The following PGM3 variants were observed in gnomAD, a reference collection of about 807,000 sequenced individuals.
The protein encoded by PGM3 is phosphoglucomutase 3.
Under a neutral mutation model 66.2 loss-of-function variants are expected in PGM3, and 40 were observed. That is an observed-to-expected ratio of 0.60 (90% CI 0.47 to 0.79). PGM3 has a LOEUF of 0.79. Ranked by LOEUF, PGM3 falls within the 30% of genes least tolerant of loss-of-function variation. PGM3 has a pLI of 0.00. For synonymous variants in PGM3, 191 were observed against 224.2 expected (o/e 0.85, Z 1.32); for missense variants, 537 against 643.4 (o/e 0.83, Z 1.79).
downstream of PGM3, among the ~76,000 whole-genome samples, chr6:83,163,906 T>C (rs183836289): frequency 7.2e-5 from 11 of 152,158 alleles, no homozygotes; most frequent in Admixed American, 5.2e-4. Flanking sequence ...TATTGTCTTA[T>C]ATACTTTTTA....
chr6:83,191,958 C>CAAAAAAAAAAA (rs1219337174), intron 1 of PGM3, among the ~76,000 whole-genome samples: 921 of 39,360 alleles, frequency 0.023, 75 homozygotes, highest in Middle Eastern at 0.056. Context: ...GACTCGGTCT[C>CAAAAAAAAAAA]AAAAAAAAAA....
chr6:83,170,167 G>T, intron 12 of PGM3, 138 bp downstream of exon 12: 1 of 692,508 alleles, frequency 1.4e-6, no homozygotes, highest in Non-Finnish European at 2.4e-6. Flanking sequence ...AAATAATTTT[G>T]TAGTCTTAAT....
chr6:83,170,765 A>G (rs1786919863), intron 11 of PGM3: 1 of 253,386 alleles, frequency 3.9e-6, no homozygotes, highest in Non-Finnish European at 7.6e-6. Context: ...ACACACAAAA[A>G]CAGGATAAGT....
At chr6:83,179,736 C>G in intron 7 of PGM3, 74 bp downstream of exon 7, 3 of 1,210,558 alleles carry the variant, frequency 2.5e-6, no homozygotes, top group South Asian at 3.3e-5. Flanking sequence ...GCCCTTCTGA[C>G]AAATGATTGT....
At chr6:83,187,210 G>C (rs920755491) in intron 3 of PGM3, 135 bp from the exon 4 acceptor site, 16 of 539,180 alleles carry the variant, frequency 3.0e-5, no homozygotes, top group African/African-American at 2.7e-4. Context: ...TGAAAGCTAT[G>C]AACTCTCAAG....
chr6:83,156,803 T>A (rs1040136131), downstream of PGM3, among the ~76,000 whole-genome samples: 1 of 152,226 alleles, frequency 6.6e-6, no homozygotes, highest in African/African-American at 2.4e-5. Context: ...ATTTCAGATA[T>A]GCAAAATGTA....
downstream of PGM3, among the ~76,000 whole-genome samples, chr6:83,157,693 T>C (rs1562380035): frequency 6.6e-6 from 1 of 152,184 alleles, no homozygotes; most frequent in Non-Finnish European, 1.5e-5. Flanking sequence ...CTGAGCTGGA[T>C]TTAACTGCTC....
downstream of PGM3, chr6:83,162,705 T>G: frequency 7.0e-7 from 1 of 1,431,152 alleles, no homozygotes; most frequent in Non-Finnish European, 9.3e-7. Context: ...AGTGGGGTCA[T>G]GATCTTTCTA....
chr6:83,158,123 C>G (rs962114638), downstream of PGM3, among the ~76,000 whole-genome samples: 2 of 152,004 alleles, frequency 1.3e-5, no homozygotes, highest in Admixed American at 6.6e-5. Flanking sequence ...CTCAGCCTCC[C>G]GAGTAGCTGG....
Position 83,188,656 on chromosome 6 carries a change from T to A in PGM3, c.347A>T (p.Asn116Ile), listed in dbSNP as rs372721988. The A allele has an allele frequency of 6.2e-6, 10 of 1,613,992 alleles. No individual in the cohort carries two copies. In the African/African-American group the frequency reaches 1.2e-4, roughly 19 times the overall value. ...LIDISEKEAVNLQQDAFVVIG... is the reference protein window; with the variant it reads ...LIDISEKEAVILQQDAFVVIG... ...AACTACAAAGGCATCTTGTTGCAGA[T>A]TCACAGCTTCTTTCTCGCTGATGTC... is the stretch of plus-strand genomic sequence containing the variant. The change falls in exon 3 of 13, where the codon AAT becomes ATT. Residue 116 changes from asparagine to isoleucine, a missense_variant. By Grantham distance (149) the Asn-to-Ile change is moderately radical. Coordinates refer to ENST00000513973, the MANE Select transcript of PGM3 (RefSeq NM_015599.3).
At position 83,181,749 on chromosome 6, in the gene PGM3, C is replaced by A; in HGVS notation, c.774G>T (p.Gln258His). ...AGTACGACATACCCTGTGGAGGTTTCTGATGACTTTTCACAAAGTCAGCTC... is the reference window on the plus strand; with the variant it reads ...AGTACGACATACCCTGTGGAGGTTTATGATGACTTTTCACAAAGTCAGCTC... ...LCGADFVKSH[Q>H]KPPQGMEIKS... Residue 258 changes from glutamine to histidine, a missense_variant, in exon 6 of 13, where the codon CAG becomes CAT. By Grantham distance (24) the Gln-to-His change is conservative. Transcript: ENST00000513973. 6.2e-7 allele frequency: 1 copy of A among 1,610,116 alleles called. No homozygotes were observed. The highest frequency in any genetic ancestry group is 8.5e-7 in the Non-Finnish European group (1 of 1,178,820).
downstream of PGM3, chr6:83,164,534 C>T (rs1373811849): frequency 6.5e-6 from 6 of 925,450 alleles, no homozygotes; most frequent in Non-Finnish European, 1.0e-5. Flanking sequence ...ATTTGTCCCA[C>T]AGAATAAGAA....
chr6:83,170,961 T>C (rs1274381414), intron 11 of PGM3: 1 of 154,608 alleles, frequency 6.5e-6, no homozygotes, highest in African/African-American at 2.4e-5. Flanking sequence ...CTGAATTCTC[T>C]CCCTCAGGAA....
upstream of PGM3, among the ~76,000 whole-genome samples, chr6:83,193,634 G>C (rs1283902548): frequency 6.6e-6 from 1 of 152,158 alleles, no homozygotes; most frequent in Non-Finnish European, 1.5e-5. Flanking sequence ...CCGTCGCTGG[G>C]CCTCGGACAG....
chr6:83,153,488 C>G, the PGM3 span: 1 of 1,518,690 alleles, frequency 6.6e-7, no homozygotes, highest in Non-Finnish European at 9.0e-7. Flanking sequence ...ATATGTTACT[C>G]TTCATTTTTT....
chr6:83,162,976 G>C, downstream of PGM3: 1 of 1,503,884 alleles, frequency 6.6e-7, no homozygotes, highest in East Asian at 2.3e-5. Context: ...GCATTAGTGA[G>C]GTATTTATTA....
At chr6:83,191,637 C>T (rs1462570548) in intron 1 of PGM3, among the ~76,000 whole-genome samples, 2 of 152,204 alleles carry the variant, frequency 1.3e-5, no homozygotes, top group African/African-American at 4.8e-5. Context: ...TAAGATGTTG[C>T]TCTAAAACTA....
At chr6:83,161,657 C>T (rs1286958859), downstream of PGM3, among the ~76,000 whole-genome samples, 1 of 152,102 alleles carries the variant, frequency 6.6e-6, no homozygotes, top group African/African-American at 2.4e-5. Context: ...TTATAGATAA[C>T]CATCAGAATG....
chr6:83,162,746 C>G (rs966720966), downstream of PGM3: 2 of 1,559,756 alleles, frequency 1.3e-6, no homozygotes, highest in Non-Finnish European at 1.7e-6. Context: ...TTAGATGGCA[C>G]AAAGTCTGTC....
Sources: gnomAD v4.1 joint callset for allele counts (sites outside exome capture counted in the v4.1 genomes callset) on GRCh38, gnomAD v4.1.1 for gene constraint, MANE v1.5 for transcripts, NCBI Gene and HGNC (gene_info 2026-07-23, HGNC 2026-07-21) for gene names.